The following SLIT3 variants were observed in gnomAD, a reference collection of about 807,000 sequenced individuals.
The protein encoded by SLIT3 is slit guidance ligand 3.
Under a neutral mutation model 184.0 loss-of-function variants are expected in SLIT3, and 68 were observed. That is an observed-to-expected ratio of 0.37 (90% confidence interval 0.30 to 0.45). SLIT3 has a LOEUF of 0.45. Ranked by LOEUF, SLIT3 falls within the 20% of genes least tolerant of loss-of-function variation. The pLI is 1.00. For missense variants in SLIT3, 1,707 were observed against 2,026.0 expected, an observed-to-expected ratio of 0.84 and a Z score of 3.02; for synonymous variants, 831 against 828.6, an observed-to-expected ratio of 1.00 and a Z score of -0.05.
chr5:168,954,721 AG>A lies in SLIT3; in HGVS notation c.414-71386del, dbSNP rs1439884775. Among the ~76,000 whole-genome samples the A allele has an allele frequency of 1.4e-4, 22 of 152,344 alleles. 1 individual carries two copies. The highest frequency in any genetic ancestry group is 3.4e-3 in the Middle Eastern group (1 of 294). ...GCTCAAACTCAGGCTAATTGGGGCCAGGCAGGTAAGGCAGGAGGGGGAAGTG... is the reference window on the plus strand; with the variant it reads ...GCTCAAACTCAGGCTAATTGGGGCCAGCAGGTAAGGCAGGAGGGGGAAGTG... On this transcript the variant is annotated intron_variant, in intron 4 of 35. Coordinates refer to ENST00000519560, the MANE Select transcript of SLIT3 (RefSeq NM_003062.4).
intron 1 of SLIT3, among the ~76,000 whole-genome samples, chr5:169,283,964 A>G (rs963220816): frequency 3.3e-5 from 5 of 152,130 alleles, no homozygotes; most frequent in African/African-American, 4.8e-5. Flanking sequence ...TTCCTAAGAG[A>G]GCTTCAGGTC....
intron 4 of SLIT3, among the ~76,000 whole-genome samples, chr5:168,995,202 T>C (rs887900454): frequency 6.6e-6 from 1 of 152,108 alleles, no homozygotes; most frequent in African/African-American, 2.4e-5. Context: ...AACCAGCAAA[T>C]TGACCCAGTG....
chr5:168,724,379 G>A, intron 21 of SLIT3, 37 bp downstream of exon 21: 2 of 1,576,044 alleles, frequency 1.3e-6, no homozygotes, highest in Non-Finnish European at 1.7e-6. Flanking sequence ...CCCCAGCAGG[G>A]AAAAATAAAC....
rs553939391 is a variant in SLIT3 at position 168,719,053 on chromosome 5, T to C, written c.2483+3203A>G. 6.6e-5 allele frequency among the ~76,000 whole-genome samples: 10 copies of C among 152,360 alleles called. No individual in the cohort carries two copies. The South Asian group carries it at 2.1e-3, about 32-fold the overall frequency. On this transcript the variant is annotated intron_variant, in intron 23 of 35. Coordinates refer to ENST00000519560, the MANE Select transcript of SLIT3 (RefSeq NM_003062.4). ...TACCATCTTCATTCATCTTTATTGA[T>C]TTATTATTTCTTTTGAAACAAGGTC...
rs150788828 is a variant in SLIT3 at position 169,110,369 on chromosome 5, C to G, written c.413+83110G>C. Among the ~76,000 whole-genome samples the G allele has an allele frequency of 7.7e-4, 117 of 152,294 alleles. 1 individual carries two copies. In the East Asian group the frequency reaches 0.02, roughly 26 times the overall value. On this transcript the variant is annotated intron_variant, in intron 4 of 35. Transcript: ENST00000519560. ...AAAGTAGGTGCAATTTATAGTCTCA[C>G]AGTTCTGGAGGCTGGAGGTCCAAAA... is the stretch of plus-strand genomic sequence containing the variant.
intron 4 of SLIT3, among the ~76,000 whole-genome samples, chr5:168,948,251 T>C (rs1224526912): frequency 2.0e-5 from 3 of 152,142 alleles, no homozygotes; most frequent in African/African-American, 7.2e-5. Context: ...CAGTGGGTGC[T>C]TGCCCACTAT....
chr5:168,739,341 G>A (rs961904448), intron 20 of SLIT3, among the ~76,000 whole-genome samples: 1 of 152,124 alleles, frequency 6.6e-6, no homozygotes, highest in Admixed American at 6.5e-5. Context: ...GCCACTTGTT[G>A]AGCTTTGGTC....
At chr5:169,172,424 T>C (rs138569277) in intron 4 of SLIT3, among the ~76,000 whole-genome samples, 2 of 152,310 alleles carry the variant, frequency 1.3e-5, no homozygotes, top group East Asian at 3.9e-4. Flanking sequence ...AGTCAAAAGG[T>C]GTTTGGGAAC....
chr5:169,188,906 C>T (rs2113460203), intron 4 of SLIT3, among the ~76,000 whole-genome samples: 1 of 152,266 alleles, frequency 6.6e-6, no homozygotes, highest in Admixed American at 6.5e-5. Context: ...CACTTGACTA[C>T]CTCCTCCTGT....
At chr5:168,869,372 C>T (rs986396461) in intron 5 of SLIT3, among the ~76,000 whole-genome samples, 5 of 152,100 alleles carry the variant, frequency 3.3e-5, no homozygotes, top group Admixed American at 1.3e-4. Flanking sequence ...TGTATGCCTC[C>T]GTTTTATCAT....
At chr5:169,252,564 ACAG>A (rs1429141682) in intron 1 of SLIT3, among the ~76,000 whole-genome samples, 2 of 152,234 alleles carry the variant, frequency 1.3e-5, no homozygotes, top group Admixed American at 1.3e-4. Context: ...ATAATATGCT[ACAG>A]TTCTCAATAA....
Position 168,915,127 on chromosome 5 carries a change from G to A in SLIT3, c.414-31791C>T, listed in dbSNP as rs777204205. On this transcript the variant is annotated intron_variant, in intron 4 of 35. Transcript: ENST00000519560. ...AAGGGGGAGAATTCAGCTTTTATCC[G>A]GTCTTTCCCATAGTAACTGTACTTC... 2.6e-5 allele frequency among the ~76,000 whole-genome samples: 4 copies of A among 152,014 alleles called. No individual in the cohort carries two copies. The South Asian group carries it at 6.2e-4, about 24-fold the overall frequency.
intron 1 of SLIT3, among the ~76,000 whole-genome samples, chr5:169,299,735 C>A (rs1022661004): frequency 3.0e-4 from 45 of 152,212 alleles, no homozygotes; most frequent in Admixed American, 1.1e-3. Context: ...TAGGGTCAAT[C>A]CACCCCATTC....
chr5:169,088,103 G>A (rs532108593), intron 4 of SLIT3, among the ~76,000 whole-genome samples: 47 of 152,268 alleles, frequency 3.1e-4, no homozygotes, highest in Admixed American at 6.5e-5. Context: ...ATTCCCTACC[G>A]CTGTTTTCTT....
intron 13 of SLIT3, 130 bp from the exon 14 acceptor site, chr5:168,773,074 G>A (rs1755615836): frequency 1.1e-6 from 1 of 912,778 alleles, no homozygotes; most frequent in Non-Finnish European, 1.6e-6. Context: ...GCCCCAGGAA[G>A]CCTTAGGGGG....
intron 3 of SLIT3, among the ~76,000 whole-genome samples, chr5:169,195,219 T>C (rs1763703578): frequency 6.6e-6 from 1 of 152,144 alleles, no homozygotes; most frequent in Non-Finnish European, 1.5e-5. Context: ...CAGACATGAT[T>C]TCCTATTTGG....
At chr5:169,262,615 C>A (rs1033547660) in intron 1 of SLIT3, among the ~76,000 whole-genome samples, 3 of 152,154 alleles carry the variant, frequency 2.0e-5, no homozygotes, top group African/African-American at 7.2e-5. Flanking sequence ...ATTTAAGAGC[C>A]CTCAGCCTCA....
At chr5:169,122,231 T>C (rs560280442) in intron 4 of SLIT3, among the ~76,000 whole-genome samples, 1 of 152,316 alleles carries the variant, frequency 6.6e-6, no homozygotes, top group South Asian at 2.1e-4. Context: ...AGTTATTACA[T>C]ACTTAGACTA....
chr5:168,988,217 C>G (rs542122619), intron 4 of SLIT3, among the ~76,000 whole-genome samples: 1 of 152,208 alleles, frequency 6.6e-6, no homozygotes, highest in South Asian at 2.1e-4. Context: ...AAAATCCTTC[C>G]GTGCTAGGCA....
Sources: gnomAD v4.1 joint callset for allele counts (sites outside exome capture counted in the v4.1 genomes callset) on GRCh38, gnomAD v4.1.1 for gene constraint, MANE v1.5 for transcripts, NCBI Gene and HGNC (gene_info 2026-07-23, HGNC 2026-07-21) for gene names.